The following FAP variants were observed in gnomAD, a reference collection of about 807,000 sequenced individuals.
FAP encodes the protein fibroblast activation protein alpha, also known as prolyl endopeptidase FAP.
A neutral mutation model predicts 126.5 loss-of-function variants in FAP; 110 were observed. The observed-to-expected ratio is 0.87, with a 90% CI of 0.74 to 1.02. The LOEUF (loss-of-function observed/expected upper bound fraction) is 1.02. Among genes scored for constraint, FAP ranks in the 50% least tolerant of loss-of-function variants. The probability of loss-of-function intolerance (pLI) is 0.00; values close to 1 mark genes in which losing one functional copy is unlikely to be tolerated. For synonymous variants in FAP, 334 were observed against 297.3 expected, an observed-to-expected ratio of 1.12 and a Z score of -1.27; for missense variants, 919 against 909.2, an observed-to-expected ratio of 1.01 and a Z score of -0.14.
chr2:162,235,170 CGCCCCCTGTCACCTCCT>C (rs1367727134), intron 2 of FAP, among the ~76,000 whole-genome samples: 1 of 151,814 alleles, frequency 6.6e-6, no homozygotes, highest in Non-Finnish European at 1.5e-5. Flanking sequence ...CCGCACCGCC[CGCCCCCTGTCACCTCCT>C]GCCCCTCCCC....
chr2:162,177,530 C>T (rs1056180743), intron 21 of FAP, among the ~76,000 whole-genome samples: 1 of 152,128 alleles, frequency 6.6e-6, no homozygotes, highest in Non-Finnish European at 1.5e-5. Context: ...GCCTGGAATG[C>T]TCTTTCCACA....
At chr2:162,192,827 C>A (rs1377417171) in intron 17 of FAP, among the ~76,000 whole-genome samples, 1 of 152,172 alleles carries the variant, frequency 6.6e-6, no homozygotes, top group Non-Finnish European at 1.5e-5. Flanking sequence ...ATAGCATTAT[C>A]ACCTACTTCA....
chr2:162,206,553 G>A (rs1056728037), intron 12 of FAP, among the ~76,000 whole-genome samples: 3 of 152,070 alleles, frequency 2.0e-5, no homozygotes, highest in Admixed American at 2.0e-4. Flanking sequence ...TTTGCCAGCC[G>A]CCTAAAGACG....
intron 17 of FAP, among the ~76,000 whole-genome samples, chr2:162,191,147 T>C (rs1211558133): frequency 6.6e-6 from 1 of 151,862 alleles, no homozygotes; most frequent in Non-Finnish European, 1.5e-5. Context: ...GGCTGATTGA[T>C]TGACTGATTA....
At chr2:162,201,619 T>C (rs986978499) in intron 14 of FAP, among the ~76,000 whole-genome samples, 2 of 152,094 alleles carry the variant, frequency 1.3e-5, no homozygotes, top group Non-Finnish European at 2.9e-5. Flanking sequence ...AGTTTGTCTC[T>C]TTTCTCTCTC....
chr2:162,177,033 T>C (rs1034677708), intron 21 of FAP, among the ~76,000 whole-genome samples: 8 of 151,952 alleles, frequency 5.3e-5, no homozygotes, highest in African/African-American at 9.7e-5. Flanking sequence ...ATTCCTATTG[T>C]AGAAATGAAG....
intron 17 of FAP, 128 bp downstream of exon 17, chr2:162,194,573 T>A: frequency 1.3e-6 from 1 of 755,014 alleles, no homozygotes; most frequent in Non-Finnish European, 2.3e-6. Flanking sequence ...TAATAAGTGA[T>A]GTGATAACAG....
intron 12 of FAP, among the ~76,000 whole-genome samples, chr2:162,206,669 T>G (rs6706926): frequency 0.13 from 20,384 of 152,196 alleles, 3,138 homozygotes; most frequent in African/African-American, 0.35. Flanking sequence ...GAAGCACTAG[T>G]TTCCTTTGAT....
chr2:162,202,780 C>A (rs1688545823), intron 14 of FAP, 92 bp downstream of exon 14: 1 of 890,842 alleles, frequency 1.1e-6, no homozygotes, highest in East Asian at 2.5e-5. Context: ...TAACAAAAAT[C>A]TTCTTAACTA....
intron 21 of FAP, chr2:162,176,672 A>T (rs1687497267): frequency 6.6e-6 from 1 of 152,178 alleles, no homozygotes; most frequent in South Asian, 2.1e-4. Context: ...TTAGAAAAAA[A>T]TTATTATCAT....
At chr2:162,193,944 C>T (rs551459847) in intron 17 of FAP, 1 of 152,230 alleles carries the variant, frequency 6.6e-6, no homozygotes, top group African/African-American at 2.4e-5. Context: ...CAACTCCAAC[C>T]CTATAATGTT....
At chr2:162,204,609 C>T (rs1271982638) in intron 12 of FAP, among the ~76,000 whole-genome samples, 2 of 152,154 alleles carry the variant, frequency 1.3e-5, no homozygotes. Flanking sequence ...TTCTAGGAGC[C>T]ATGAGAAGCT....
chr2:162,243,169 A>G, intron 1 of FAP, 153 bp downstream of exon 1: 1 of 795,070 alleles, frequency 1.3e-6, no homozygotes, highest in Non-Finnish European at 2.1e-6. Context: ...AAATGTTTCT[A>G]CAGTATATTT....
intron 2 of FAP, among the ~76,000 whole-genome samples, chr2:162,235,218 C>A (rs191846686): frequency 1.3e-5 from 2 of 151,788 alleles, no homozygotes; most frequent in Non-Finnish European, 2.9e-5. Context: ...GGCTCCTGCA[C>A]GGCCTGAGCC....
chr2:162,221,359 G>A (rs1358340953), intron 6 of FAP, among the ~76,000 whole-genome samples: 2 of 151,878 alleles, frequency 1.3e-5, no homozygotes, highest in East Asian at 1.9e-4. Flanking sequence ...GAGAAACCCC[G>A]TCCCCACAGA....
At chr2:162,213,464 T>C (rs1480108748) in intron 11 of FAP, among the ~76,000 whole-genome samples, 1 of 151,604 alleles carries the variant, frequency 6.6e-6, no homozygotes, top group Non-Finnish European at 1.5e-5. Flanking sequence ...TTTGATAATA[T>C]CCATTTCCTT....
chr2:162,224,512 A>G lies in FAP; in HGVS notation c.314T>C (p.Leu105Ser). ...MKSVNASNYG[L>S]SPDRQFVYLE... ...ATATACAAATTGCCGATCAGGTGAT[A>G]AGCCGTAATTTGAAGCATTCACACT... The change falls in exon 5 of 26, where the codon TTA (leucine) becomes TCA (serine). Residue 105 changes from leucine to serine, a missense_variant. By Grantham distance (145) the Leu-to-Ser change is moderately radical. Coordinates refer to ENST00000188790, the MANE Select transcript of FAP (RefSeq NM_004460.5). 6.2e-7 allele frequency: 1 copy of G among 1,600,650 alleles called. No homozygotes were observed. Among genetic ancestry groups the G allele is most frequent in the Non-Finnish European group, 8.5e-7 (1 of 1,175,188 alleles).
At chr2:162,174,722 T>C in intron 22 of FAP, 145 bp downstream of exon 22, 2 of 556,590 alleles carry the variant, frequency 3.6e-6, no homozygotes, top group East Asian at 3.1e-5. Flanking sequence ...TAATAAATGA[T>C]ATAAACAACT....
chr2:162,193,400 G>A (rs578002772), intron 17 of FAP, among the ~76,000 whole-genome samples: 131 of 152,228 alleles, frequency 8.6e-4, no homozygotes, highest in African/African-American at 3.0e-3. Context: ...ATCTGAGGGC[G>A]TACCTATTTT....
Sources: allele counts gnomAD v4.1 joint callset (sites outside exome capture counted in the v4.1 genomes callset), GRCh38; gene constraint gnomAD v4.1.1; transcripts MANE v1.5; gene names NCBI Gene and HGNC (gene_info 2026-07-23, HGNC 2026-07-21).